BBX: variants seen among roughly 807,000 people sequenced by gnomAD.
BBX encodes BBX high mobility group box domain containing.
Under a neutral mutation model 100.2 loss-of-function variants are expected in BBX, and 30 were observed. The ratio of observed to expected loss-of-function variants is 0.30; its 90% confidence interval spans 0.22 to 0.41. The LOEUF (loss-of-function observed/expected upper bound fraction) is 0.41. BBX is among the 10% of genes least tolerant of loss of function. The probability of loss-of-function intolerance (pLI) is 1.00; values close to 1 mark genes in which losing one functional copy is unlikely to be tolerated. For synonymous variants in BBX, 376 were observed against 388.1 expected (o/e 0.97, Z 0.37); for missense variants, 1,023 against 1,129.8 (o/e 0.91, Z 1.35).
chr3:107,536,901 A>G (rs929421655), intron 2 of BBX, among the ~76,000 whole-genome samples: 4 of 152,200 alleles, frequency 2.6e-5, no homozygotes, highest in African/African-American at 9.6e-5. Flanking sequence ...GTTTTAATAG[A>G]TATGGTATGA....
At chr3:107,761,991 C>T (rs991778248) in intron 10 of BBX, among the ~76,000 whole-genome samples, 2 of 152,184 alleles carry the variant, frequency 1.3e-5, no homozygotes, top group African/African-American at 2.4e-5. Context: ...CCTACACTAT[C>T]GTCATATAAA....
intron 15 of BBX, 100 bp downstream of exon 15, chr3:107,791,399 CAG>C: frequency 1.1e-6 from 1 of 940,340 alleles, no homozygotes; most frequent in East Asian, 2.5e-5. Context: ...GTTTAAACAA[CAG>C]CACTAGACTT....
intron 2 of BBX, among the ~76,000 whole-genome samples, chr3:107,547,734 C>T (rs1441347383): frequency 6.6e-6 from 1 of 151,834 alleles, no homozygotes; most frequent in Admixed American, 6.6e-5. Context: ...TTTCTTGTTT[C>T]CTCCACTCCC....
At chr3:107,568,335 G>A (rs866319136) in intron 2 of BBX, among the ~76,000 whole-genome samples, 6 of 150,636 alleles carry the variant, frequency 4.0e-5, no homozygotes, top group South Asian at 4.2e-4. Context: ...CGGAATCTCG[G>A]CTCACTGCAA....
At position 107,789,774 on chromosome 3, in the gene BBX, A is replaced by G. The variant is rs1226500872; in HGVS notation, c.2204-13A>G. 1 of 1,438,974 alleles carries G rather than the reference A, an allele frequency of 6.9e-7. No homozygotes were observed. Among genetic ancestry groups the G allele is most frequent in the South Asian group, 1.3e-5 (1 of 75,864 alleles). The allele number at this position is 1,438,974 out of a possible 1,614,324, so 89.1% of individuals were successfully genotyped here. A position where few individuals can be genotyped will look rare whatever the true frequency, so the allele number is the denominator to read the frequency against. ...GTGAATTTAAAATATATTTATATTA[A>G]TATTGTCTGTAGGTCCTTTCCAGTC... On this transcript the variant is annotated splice_polypyrimidine_tract_variant and intron_variant, in intron 13 of 17. Transcript: ENST00000325805.
At chr3:107,734,263 T>C (rs2063502641) in intron 7 of BBX, among the ~76,000 whole-genome samples, 1 of 152,218 alleles carries the variant, frequency 6.6e-6, no homozygotes, top group African/African-American at 2.4e-5. Flanking sequence ...TTTAACAGAA[T>C]TATTTTGATT....
At chr3:107,634,446 C>T (rs1043900868) in intron 2 of BBX, among the ~76,000 whole-genome samples, 3 of 152,054 alleles carry the variant, frequency 2.0e-5, no homozygotes, top group East Asian at 1.9e-4. Flanking sequence ...AGACAAAGCG[C>T]GACCTAATTA....
intron 2 of BBX, among the ~76,000 whole-genome samples, chr3:107,628,467 CCT>C (rs2056346234): frequency 6.6e-6 from 1 of 151,730 alleles, no homozygotes; most frequent in East Asian, 1.9e-4. Flanking sequence ...TCATTTGAAG[CCT>C]CTCAGTAAAG....
At chr3:107,711,342 A>C (rs2061709256) in intron 4 of BBX, 3 of 470,978 alleles carry the variant, frequency 6.4e-6, no homozygotes, top group South Asian at 3.1e-5. Flanking sequence ...TGCCTCAGAA[A>C]TGAGAATGGT....
chr3:107,630,160 G>A (rs903260282), intron 2 of BBX, among the ~76,000 whole-genome samples: 3 of 152,176 alleles, frequency 2.0e-5, no homozygotes, highest in African/African-American at 7.2e-5. Flanking sequence ...AGCTCTGGAT[G>A]CCTGAGACCA....
intron 2 of BBX, among the ~76,000 whole-genome samples, chr3:107,619,826 A>G (rs2055603729): frequency 6.6e-6 from 1 of 152,108 alleles, no homozygotes; most frequent in African/African-American, 2.4e-5. Context: ...ATTCCCATAT[A>G]AGTAAGGTGT....
chr3:107,700,969 C>G (rs1236266633), intron 3 of BBX, among the ~76,000 whole-genome samples: 2 of 151,742 alleles, frequency 1.3e-5, no homozygotes, highest in Admixed American at 6.6e-5. Flanking sequence ...AATGGGATGG[C>G]TGGGTCAAAT....
At chr3:107,800,445 A>G (rs923704867) in intron 16 of BBX, among the ~76,000 whole-genome samples, 5 of 152,248 alleles carry the variant, frequency 3.3e-5, no homozygotes, top group African/African-American at 1.2e-4. Flanking sequence ...TTTTAAAACT[A>G]TGATAAAAAT....
intron 2 of BBX, among the ~76,000 whole-genome samples, chr3:107,578,417 A>AT (rs1046264300): frequency 9.5e-4 from 79 of 83,416 alleles, no homozygotes; most frequent in African/African-American, 2.3e-3. Flanking sequence ...CTTGACTGAA[A>AT]GATAGAGTGA....
At chr3:107,797,337 AATAT>A (rs369837058) in intron 15 of BBX, among the ~76,000 whole-genome samples, 652 of 39,330 alleles carry the variant, frequency 0.017, 64 homozygotes, top group Middle Eastern at 0.067. Flanking sequence ...TTTTCTTCCA[AATAT>A]ATATATATAT....
chr3:107,552,024 T>C lies in BBX; in HGVS notation c.-84+25626T>C, dbSNP rs563880458. On this transcript the variant is annotated intron_variant, in intron 2 of 17. Transcript: ENST00000325805. ...ATAATTGCTGGGTTTGTTTCAGCTG[T>C]GAGAGTTTAGTACAGCGTTAAAGGA... Among the ~76,000 whole-genome samples the C allele has an allele frequency of 1.8e-3, 274 of 152,122 alleles. 5 individuals are homozygous for C. The Middle Eastern group carries it at 0.051, about 29-fold the overall frequency.
At position 107,716,602 on chromosome 3, in the gene BBX, A is replaced by G; in HGVS notation, c.163-5A>G. 3.1e-6 allele frequency: 5 copies of G among 1,612,172 alleles called. No homozygotes were observed. Among genetic ancestry groups the G allele is most frequent in the Non-Finnish European group, 4.2e-6 (5 of 1,178,496 alleles). On this transcript the variant is annotated splice_polypyrimidine_tract_variant and splice_region_variant and intron_variant, in intron 4 of 17. Coordinates refer to ENST00000325805, the MANE Select transcript of BBX (RefSeq NM_001142568.3). The stretch of plus-strand genomic sequence containing the variant: ...AAGATCTGGCTTTGTTTTTGGTGGT[A>G]ATAGGTTCAACTTCTTGGGGCCGAT...
chr3:107,526,480 A>G (rs2047787072), intron 2 of BBX, 82 bp downstream of exon 2: 2 of 397,170 alleles, frequency 5.0e-6, no homozygotes, highest in Non-Finnish European at 8.9e-6. Context: ...ACAGAGGAAG[A>G]TGCTTTATTG....
At chr3:107,775,372 A>G (rs964290442) in intron 12 of BBX, among the ~76,000 whole-genome samples, 3 of 152,176 alleles carry the variant, frequency 2.0e-5, no homozygotes, top group African/African-American at 7.2e-5. Flanking sequence ...TATATTAATT[A>G]TATATTGAAA....
Sources: allele counts gnomAD v4.1 joint callset (sites outside exome capture counted in the v4.1 genomes callset), GRCh38; gene constraint gnomAD v4.1.1; transcripts MANE v1.5; gene names NCBI Gene and HGNC (gene_info 2026-07-23, HGNC 2026-07-21).